MYO5B: variants seen among roughly 807,000 people sequenced by gnomAD.
MYO5B encodes myosin VB, also known as unconventional myosin-Vb.
MYO5B carries 143 observed loss-of-function variants against 229.3 expected under a neutral mutation model. The ratio of observed to expected loss-of-function variants is 0.62; its 90% CI spans 0.54 to 0.72. The LOEUF (loss-of-function observed/expected upper bound fraction) is 0.72, where lower values mean the gene tolerates loss of function less well. Ranked by LOEUF, MYO5B falls within the 30% of genes least tolerant of loss-of-function variation. The pLI, the probability that MYO5B is intolerant of heterozygous loss-of-function variation, is 0.00. For synonymous variants in MYO5B, 918 were observed against 885.2 expected (o/e 1.04, Z -0.66); for missense variants, 2,321 against 2,331.0 (o/e 1.00, Z 0.09).
At chr18:50,173,048 G>A (rs1005387272) in intron 1 of MYO5B, among the ~76,000 whole-genome samples, 4 of 152,184 alleles carry the variant, frequency 2.6e-5, no homozygotes, top group African/African-American at 9.7e-5. Flanking sequence ...TGAATCACCT[G>A]AGGTCAGGAG....
chr18:49,828,535 T>A (rs1474681917), intron 39 of MYO5B, among the ~76,000 whole-genome samples: 1 of 152,004 alleles, frequency 6.6e-6, no homozygotes, highest in Non-Finnish European at 1.5e-5. Flanking sequence ...AGATAGAAGA[T>A]CAATAAGAAA....
At chr18:50,003,308 G>A (rs2026067814) in intron 4 of MYO5B, among the ~76,000 whole-genome samples, 2 of 152,188 alleles carry the variant, frequency 1.3e-5, no homozygotes, top group East Asian at 1.9e-4. Flanking sequence ...ACTTGAAAAT[G>A]TATGTTGAAT....
rs2025260660 is a variant in MYO5B at position 49,937,231 on chromosome 18, G to C, written c.1905+14C>G. 1 of 1,613,848 alleles carries C rather than the reference G, an allele frequency of 6.2e-7. No homozygotes were observed. Among genetic ancestry groups the C allele is most frequent in the African/African-American group, 1.3e-5 (1 of 74,922 alleles). Reference sequence around the variant, plus strand: ...ACATGCACCTCAGCCCATAGCTTTTGGTCCGGGGCTGACCTGGTGGCCAAC... The same window carrying C: ...ACATGCACCTCAGCCCATAGCTTTTCGTCCGGGGCTGACCTGGTGGCCAAC... On this transcript the variant is annotated intron_variant, in intron 15 of 39. Coordinates refer to ENST00000285039, the MANE Select transcript of MYO5B (RefSeq NM_001080467.3).
chr18:49,851,677 A>C (rs2024202159), intron 31 of MYO5B, among the ~76,000 whole-genome samples: 1 of 18,130 alleles, frequency 5.5e-5, no homozygotes, highest in South Asian at 3.5e-3. Flanking sequence ...CCTCCCCTCT[A>C]CACAGACCCC....
chr18:50,144,078 C>T (rs2032461977), intron 1 of MYO5B, among the ~76,000 whole-genome samples: 1 of 152,158 alleles, frequency 6.6e-6, no homozygotes, highest in African/African-American at 2.4e-5. Flanking sequence ...TGTAACATCA[C>T]AGTGAGTCAC....
intron 9 of MYO5B, among the ~76,000 whole-genome samples, chr18:49,977,191 C>A (rs1337828732): frequency 6.6e-6 from 1 of 152,128 alleles, no homozygotes; most frequent in Admixed American, 6.5e-5. Context: ...AAGGTGCTGA[C>A]TGAAACTGAT....
At chr18:49,877,943 C>T (rs2144103283) in intron 24 of MYO5B, 61 bp from the exon 25 acceptor site, 2 of 1,603,240 alleles carry the variant, frequency 1.2e-6, no homozygotes, top group Non-Finnish European at 1.7e-6. Flanking sequence ...AATTTACCTC[C>T]CATGGTGGCA....
At chr18:50,116,312 C>A (rs1490448403) in intron 1 of MYO5B, among the ~76,000 whole-genome samples, 4 of 152,128 alleles carry the variant, frequency 2.6e-5, no homozygotes, top group Non-Finnish European at 5.9e-5. Flanking sequence ...AGTCAACAGT[C>A]ATCACTTGGC....
intron 9 of MYO5B, among the ~76,000 whole-genome samples, chr18:49,977,318 A>G (rs757653444): frequency 2.0e-5 from 3 of 152,198 alleles, no homozygotes; most frequent in Non-Finnish European, 4.4e-5. Flanking sequence ...TTCAAGAAAC[A>G]AATTGAATGC....
chr18:50,078,905 C>G (rs1335896940), intron 1 of MYO5B, among the ~76,000 whole-genome samples: 1 of 152,182 alleles, frequency 6.6e-6, no homozygotes, highest in Non-Finnish European at 1.5e-5. Flanking sequence ...GCATACTATA[C>G]AGCAATGAGA....
chr18:50,036,990 G>C lies in MYO5B; in HGVS notation c.315C>G (p.Ile105Met). The C allele has an allele frequency of 6.2e-7, 1 of 1,614,080 alleles. No individual in the cohort carries two copies. The highest frequency in any genetic ancestry group is 8.5e-7 in the Non-Finnish European group (1 of 1,180,000). Residue 105 changes from isoleucine (I) to methionine (M), a missense_variant, in exon 4 of 40, where the codon ATC (isoleucine) becomes ATG (methionine). Around this residue, in one of 2 missense-constraint regions of MYO5B, gnomAD observed 2,113 missense variants for 2,044.7 expected, o/e 1.03. Coordinates refer to ENST00000285039, the MANE Select transcript of MYO5B (RefSeq NM_001080467.3). ...ESNHIYTYCG[I>M]VLVAINPYEQ... ...CATAAGGATTAATGGCAACAAGTAC[G>C]ATACCTGCAAACAGACAAGGTGGTC...
At chr18:50,022,453 A>G (rs1049697199) in intron 4 of MYO5B, among the ~76,000 whole-genome samples, 8 of 152,192 alleles carry the variant, frequency 5.3e-5, no homozygotes, top group African/African-American at 1.7e-4. Context: ...TTATTATGAC[A>G]TTCTCCTTCC....
intron 34 of MYO5B, among the ~76,000 whole-genome samples, 174 bp from the exon 35 acceptor site, chr18:49,841,628 G>C (rs117958413): frequency 1.3e-5 from 2 of 152,186 alleles, no homozygotes; most frequent in Admixed American, 6.5e-5. Flanking sequence ...GAGGCTGTGT[G>C]AGTGTTCCTC....
intron 26 of MYO5B, among the ~76,000 whole-genome samples, chr18:49,875,099 G>A (rs894580536): frequency 2.6e-5 from 4 of 152,210 alleles, no homozygotes; most frequent in Non-Finnish European, 5.9e-5. Flanking sequence ...GCCTGGCACT[G>A]GCATAGTTCT....
In MYO5B at chr18:49,983,428, C is replaced by A. The variant is rs1027628749; in HGVS notation, c.946+1290G>T. ...CCCTACACCTTGGGGCACCTGCAGC[C>A]TGCTTGTACAAAACAGCTCTGGCCT... is the stretch of plus-strand genomic sequence containing the variant. On this transcript the variant is annotated intron_variant, in intron 8 of 39. Coordinates refer to ENST00000285039, the MANE Select transcript of MYO5B (RefSeq NM_001080467.3). Among the ~76,000 whole-genome samples the A allele has an allele frequency of 3.3e-5, 5 of 152,188 alleles. No individual in the cohort carries two copies. In the East Asian group the frequency reaches 9.6e-4, roughly 29 times the overall value.
At chr18:50,083,105 TTAC>T (rs1291560503) in intron 1 of MYO5B, among the ~76,000 whole-genome samples, 1 of 152,194 alleles carries the variant, frequency 6.6e-6, no homozygotes, top group Non-Finnish European at 1.5e-5. Context: ...AGTGCTTTAC[TTAC>T]TACTATCAGT....
chr18:49,895,015 C>A lies in MYO5B; in HGVS notation c.2971G>T (p.Glu991Ter), dbSNP rs1423138349. 1 of 1,613,986 alleles carries A rather than the reference C, an allele frequency of 6.2e-7. No individual in the cohort carries two copies. Among genetic ancestry groups the A allele is most frequent in the Admixed American group, 1.7e-5 (1 of 60,028 alleles). ...CGCTCCGAGTGGGCCCTCTGCAGCT[C>A]TGTGCGCAGGCTCTCCACCTCCTCC... is the stretch of plus-strand genomic sequence containing the variant. ...LQEEVESLRT[E>*]LQRAHSERKI... The change falls in exon 22 of 40, where the codon GAG (glutamate) becomes TAG (stop). Residue 991 changes from glutamate to a stop codon, truncating the protein, a stop_gained. Coordinates refer to ENST00000285039, the MANE Select transcript of MYO5B (RefSeq NM_001080467.3). LOFTEE classifies it high-confidence loss of function.
intron 2 of MYO5B, 107 bp from the exon 3 acceptor site, chr18:50,040,421 G>T: frequency 9.1e-7 from 1 of 1,103,830 alleles, no homozygotes; most frequent in Non-Finnish European, 1.4e-6. Context: ...ATGATAGTAA[G>T]TAATGAAGAT....
rs559992421 is a variant in MYO5B, at chr18:49,989,551, T to C, written c.838+888A>G. Among the ~76,000 whole-genome samples, 3 of 151,978 alleles carry C rather than the reference T, an allele frequency of 2.0e-5. No individual in the cohort carries two copies. In the East Asian group the frequency reaches 5.8e-4, roughly 29 times the overall value. On this transcript the variant is annotated intron_variant, in intron 7 of 39. Transcript: ENST00000285039. ...TCAAGGCTTGCCCTCTTTACACATA[T>C]GTGCCTGAAGACTCAGCAGCAAAAA...
Sources: gnomAD v4.1 joint callset for allele counts (sites outside exome capture counted in the v4.1 genomes callset) on GRCh38, gnomAD v4.1.1 for gene constraint, gnomAD v4.1.1 regional missense constraint, MANE v1.5 for transcripts, NCBI Gene and HGNC (gene_info 2026-07-23, HGNC 2026-07-21) for gene names.